The following FAAH variants were observed in gnomAD, a reference collection of about 807,000 sequenced individuals.
FAAH encodes the protein fatty acid amide hydrolase, also known as fatty-acid amide hydrolase 1.
In FAAH, 63 loss-of-function variants were observed where a neutral mutation model predicts 69.7. The ratio of observed to expected loss-of-function variants is 0.90; its 90% CI spans 0.74 to 1.12. The LOEUF (loss-of-function observed/expected upper bound fraction) is 1.12. Among genes scored for constraint, FAAH ranks in the 50% most tolerant of loss-of-function variants. The probability of loss-of-function intolerance (pLI) is 0.00; values close to 1 mark genes in which losing one functional copy is unlikely to be tolerated. For synonymous variants in FAAH, 305 were observed against 324.2 expected (o/e 0.94, Z 0.64); for missense variants, 680 against 755.0 (o/e 0.90, Z 1.16).
chr1:46,405,382 C>G lies in FAAH; in HGVS notation c.455C>G (p.Ser152Cys). 6.2e-7 allele frequency: 1 copy of G among 1,611,198 alleles called. No homozygotes were observed. The highest frequency in any genetic ancestry group is 1.3e-5 in the African/African-American group (1 of 75,066). Reference sequence around the variant, plus strand: ...CATCCCTCCTCCCAGGGCCAGGACTCCACGCTGGGCTTGAGCCTGAATGAA... The same window carrying G: ...CATCCCTCCTCCCAGGGCCAGGACTGCACGCTGGGCTTGAGCCTGAATGAA... ...KECFTYKGQD[S>C]TLGLSLNEGV... The change falls in exon 4 of 15, where the codon TCC (serine) becomes TGC (cysteine). Residue 152 changes from serine to cysteine, a missense_variant. By Grantham distance (112) the Ser-to-Cys change is moderately radical. Transcript: ENST00000243167. The surrounding 1 kb of genome is among the most constrained non-coding windows in gnomAD (Gnocchi z 4.1).
At position 46,405,872 on chromosome 1, in the gene FAAH, C is replaced by T; in HGVS notation, c.785+78C>T. 2 of 1,604,982 alleles carry T rather than the reference C, an allele frequency of 1.2e-6. 1 individual carries two copies. Among genetic ancestry groups the T allele is most frequent in the South Asian group, 2.2e-5 (2 of 90,394 alleles). On this transcript the variant is annotated intron_variant, in intron 5 of 14. Coordinates refer to ENST00000243167, the MANE Select transcript of FAAH (RefSeq NM_001441.3). The surrounding 1 kb of genome is among the most constrained non-coding windows in gnomAD (Gnocchi z 4.1). ...GCTTCCAACCTCTCTGGGCTCCAGG[C>T]GGGGATTCGGTCTCCGGGGTTTTGC...
At chr1:46,396,611 C>A (rs543405217) in intron 1 of FAAH, among the ~76,000 whole-genome samples, 1 of 152,190 alleles carries the variant, frequency 6.6e-6, no homozygotes, top group African/African-American at 2.4e-5. Flanking sequence ...GACTTTTTGC[C>A]AAGCATACTG....
In FAAH at chr1:46,409,213, G is replaced by C; in HGVS notation, c.1175+15G>C. The C allele has an allele frequency of 6.2e-7, 1 of 1,603,476 alleles. No individual in the cohort carries two copies. The highest frequency in any genetic ancestry group is 1.3e-5 in the African/African-American group (1 of 74,796). On this transcript the variant is annotated intron_variant, in intron 9 of 14. Coordinates refer to ENST00000243167, the MANE Select transcript of FAAH (RefSeq NM_001441.3). ...CTACAGAACTTGTGAGTGATAGTGG[G>C]CTTTGGGGTCTTGGTGGGATCAGAC...
At chr1:46,409,675 C>T (rs1247040678) in intron 9 of FAAH, among the ~76,000 whole-genome samples, 4 of 152,126 alleles carry the variant, frequency 2.6e-5, no homozygotes, top group Non-Finnish European at 4.4e-5. Flanking sequence ...TAGAGAAGTT[C>T]GTTCCTCTGG....
intron 8 of FAAH, 28 bp downstream of exon 8, chr1:46,408,612 G>A: frequency 6.2e-7 from 1 of 1,614,004 alleles, no homozygotes; most frequent in East Asian, 2.2e-5. Context: ...TGGAAGTACT[G>A]GCATCTCCTC....
chr1:46,394,537 G>T lies in FAAH; in HGVS notation c.189G>T (p.Arg63=). The T allele has an allele frequency of 7.3e-7, 1 of 1,362,452 alleles. No homozygotes were observed. The highest frequency in any genetic ancestry group is 1.8e-5 in the South Asian group (1 of 55,986). 84.4% of individuals were successfully genotyped at this position (1,362,452 alleles called of 1,614,324 possible). Residue 63 remains arginine (R), a synonymous_variant, in exon 1 of 15, where the codon CGG becomes CGT. Coordinates refer to ENST00000243167, the MANE Select transcript of FAAH (RefSeq NM_001441.3). ...ENMDRAAQRF[R]LQNPDLDSEA... Reference sequence around the variant, plus strand: ...TGGACAGGGCGGCGCAGCGCTTCCGGCTCCAGGTGACTGCCGGAGCGTAGT... The same window carrying T: ...TGGACAGGGCGGCGCAGCGCTTCCGTCTCCAGGTGACTGCCGGAGCGTAGT...
intron 1 of FAAH, among the ~76,000 whole-genome samples, chr1:46,400,813 T>TA (rs949353471): frequency 2.2e-5 from 1 of 44,942 alleles, no homozygotes; most frequent in African/African-American, 1.1e-4. Flanking sequence ...GAAGCCAGGG[T>TA]AGGGGAGGAG....
chr1:46,402,102 GGACTCAGAGGC>G lies in FAAH; in HGVS notation c.209_219del (p.Asp70AlafsTer16), dbSNP rs1277427068. On this transcript the variant is annotated frameshift_variant, in exon 2 of 15. Coordinates refer to ENST00000243167, the MANE Select transcript of FAAH (RefSeq NM_001441.3). LOFTEE classifies it high-confidence loss of function. ...TTTGTTCCCCACAGAACCCAGACCT[GGACTCAGAGGC>G]GCTGCTAGCCCTGCCCCTGCCTCAG... 4 of 1,607,724 alleles carry G rather than the reference GGACTCAGAGGC, an allele frequency of 2.5e-6. No individual in the cohort carries two copies. Among genetic ancestry groups the G allele is most frequent in the Non-Finnish European group, 3.4e-6 (4 of 1,176,952 alleles).
intron 1 of FAAH, among the ~76,000 whole-genome samples, chr1:46,396,126 G>A (rs574595208): frequency 2.2e-4 from 33 of 152,258 alleles, no homozygotes; most frequent in African/African-American, 7.0e-4. Context: ...AGGAAAACAT[G>A]TGAGCAAAGG....
In FAAH at chr1:46,405,435, G is replaced by T; in HGVS notation, c.508G>T (p.Val170Leu). 6.2e-7 allele frequency: 1 copy of T among 1,613,496 alleles called. No individual in the cohort carries two copies. The highest frequency in any genetic ancestry group is 8.5e-7 in the Non-Finnish European group (1 of 1,179,996). The change falls in exon 4 of 15, where the codon GTG becomes TTG. Residue 170 changes from valine (V) to leucine (L), a missense_variant. Val to Leu is a conservative substitution (Grantham distance 32). Coordinates refer to ENST00000243167, the MANE Select transcript of FAAH (RefSeq NM_001441.3). The surrounding 1 kb of genome is among the most constrained non-coding windows in gnomAD (Gnocchi z 4.1). The stretch of plus-strand genomic sequence containing the variant: ...GGTGCCGGCGGAGTGCGACAGCGTA[G>T]TGGTGCATGTGCTGAAGCTGCAGGG... ...EGVPAECDSV[V>L]VHVLKLQGAV...
At chr1:46,412,303 G>C (rs952721391) in intron 13 of FAAH, 52 bp downstream of exon 13, 6 of 1,444,890 alleles carry the variant, frequency 4.2e-6, no homozygotes, top group Non-Finnish European at 4.7e-6. Flanking sequence ...CATGTGCCCT[G>C]CAGGGCTGCG....
rs965760324 is a variant in FAAH at position 46,411,318 on chromosome 1, A to G, written c.1317-294A>G. Among the ~76,000 whole-genome samples the G allele has an allele frequency of 1.3e-5, 2 of 152,212 alleles. No individual in the cohort carries two copies. Among genetic ancestry groups the G allele is most frequent in the Non-Finnish European group, 2.9e-5 (2 of 68,028 alleles). On this transcript the variant is annotated intron_variant, in intron 11 of 14. Transcript: ENST00000243167. The surrounding 1 kb of genome is among the most constrained non-coding windows in gnomAD (Gnocchi z 4.8). ...TGGACTCACTCCTTCCCTTACCACC[A>G]GGCTTCAGGACTGGCAGCAGCTATG...
At position 46,405,529 on chromosome 1, in the gene FAAH, G is replaced by A; in HGVS notation, c.578+24G>A. On this transcript the variant is annotated intron_variant, in intron 4 of 14. Transcript: ENST00000243167. The surrounding 1 kb of genome is among the most constrained non-coding windows in gnomAD (Gnocchi z 4.1). ...AGGTTGGGTCTTGGGGTGGGGCGGG[G>A]CGGGGCAGGGGCACCGGTCCCAGCA... The A allele has an allele frequency of 6.2e-7, 1 of 1,612,558 alleles. No individual in the cohort carries two copies. Among genetic ancestry groups the A allele is most frequent in the Non-Finnish European group, 8.5e-7 (1 of 1,179,818 alleles).
rs763809440 is a variant in FAAH at position 46,394,322 on chromosome 1, G to A, written c.-27G>A. On this transcript the variant is annotated 5_prime_UTR_variant, in exon 1 of 15. Coordinates refer to ENST00000243167, the MANE Select transcript of FAAH (RefSeq NM_001441.3). ...CGCGTGCGGCGGCTTCAACTGTCGCGGTAGGCAGCAGCAGGCTGAAGGGAT... is the reference window on the plus strand; with the variant it reads ...CGCGTGCGGCGGCTTCAACTGTCGCAGTAGGCAGCAGCAGGCTGAAGGGAT... The A allele has an allele frequency of 1.5e-5, 23 of 1,541,692 alleles. No individual in the cohort carries two copies. Among genetic ancestry groups the A allele is most frequent in the South Asian group, 3.6e-5 (3 of 83,140 alleles).
intron 13 of FAAH, 112 bp from the exon 14 acceptor site, chr1:46,412,963 C>A (rs530555180): frequency 7.6e-7 from 1 of 1,319,744 alleles, no homozygotes; most frequent in Non-Finnish European, 1.1e-6. Context: ...TGGGAGAGAG[C>A]CTTTCTCTGG....
At position 46,406,364 on chromosome 1, in the gene FAAH, A is replaced by G. The variant is rs759035417; in HGVS notation, c.947A>G (p.Glu316Gly). 31 of 1,613,940 alleles carry G rather than the reference A, an allele frequency of 1.9e-5. No individual in the cohort carries two copies. Among genetic ancestry groups the G allele is most frequent in the Non-Finnish European group, 2.6e-5 (31 of 1,180,008 alleles). Residue 316 changes from glutamate (E) to glycine (G), a missense_variant, in exon 7 of 15, where the codon GAA becomes GGA. Glu to Gly is a moderately conservative substitution (Grantham distance 98). Transcript: ENST00000243167. ...ACTGTGCCTCCCTTGCCCTTCAGAGAAGAGGTGAGCAGGGCTGGGTGGGCA... is the reference window on the plus strand; with the variant it reads ...ACTGTGCCTCCCTTGCCCTTCAGAGGAGAGGTGAGCAGGGCTGGGTGGGCA... ...DPTVPPLPFR[E>G]EVYTSSQPLR...
Position 46,411,643 on chromosome 1 carries a change from G to C in FAAH, c.1348G>C (p.Glu450Gln), listed in dbSNP as rs370256299. The part of the protein sequence containing the change: ...SAGKLWELQH[E>Q]IEVYRKTVIA... ...TGGAAAACTCTGGGAACTGCAGCAC[G>C]AGATCGAGGTGAGGCCAGAGCCTCT... Residue 450 changes from glutamate to glutamine, a missense_variant, in exon 12 of 15, where the codon GAG becomes CAG. Physicochemically the swap from Glu to Gln is conservative, Grantham distance 29 (BLOSUM62 2). Coordinates refer to ENST00000243167, the MANE Select transcript of FAAH (RefSeq NM_001441.3). The surrounding 1 kb of genome is among the most constrained non-coding windows in gnomAD (Gnocchi z 4.8). The C allele has an allele frequency of 2.5e-6, 4 of 1,614,064 alleles. No homozygotes were observed. The highest frequency in any genetic ancestry group is 1.3e-5 in the African/African-American group (1 of 75,020).
intron 9 of FAAH, among the ~76,000 whole-genome samples, chr1:46,409,440 G>A (rs187145409): frequency 8.5e-5 from 13 of 152,250 alleles, no homozygotes; most frequent in Non-Finnish European, 7.4e-5. Context: ...ATCTGAGCTT[G>A]TTGTGAGGTA....
chr1:46,411,012 T>C lies in FAAH; in HGVS notation c.1316+158T>C, dbSNP rs1302917972. The C allele has an allele frequency of 1.2e-6, 1 of 838,334 alleles. No individual in the cohort carries two copies. The highest frequency in any genetic ancestry group is 1.7e-5 in the African/African-American group (1 of 59,412). 51.9% of individuals were successfully genotyped at this position (838,334 alleles called of 1,614,324 possible). ...ACCTTTGTGGCCTTCAGATGGGACT[T>C]TGAAGTTGTCTTGGCAAGGTCCAGT... On this transcript the variant is annotated intron_variant, in intron 11 of 14. Transcript: ENST00000243167. The surrounding 1 kb of genome is among the most constrained non-coding windows in gnomAD (Gnocchi z 4.8).
Sources: allele counts gnomAD v4.1 joint callset (sites outside exome capture counted in the v4.1 genomes callset), GRCh38; gene constraint gnomAD v4.1.1; non-coding constraint Gnocchi (gnomAD v3.1); transcripts MANE v1.5; gene names NCBI Gene and HGNC (gene_info 2026-07-23, HGNC 2026-07-21).